The following PWWP2A variants were observed in gnomAD, a reference collection of about 807,000 sequenced individuals.
The protein encoded by PWWP2A is PWWP domain containing 2A, also known as PWWP domain-containing protein 2A.
A neutral mutation model predicts 48.5 loss-of-function variants in PWWP2A; 18 were observed. The ratio of observed to expected loss-of-function variants is 0.37; its 90% CI spans 0.26 to 0.55. PWWP2A has a LOEUF of 0.55. Among genes scored for constraint, PWWP2A ranks in the 20% least tolerant of loss-of-function variants. PWWP2A has a pLI of 0.81. For missense variants in PWWP2A, 867 were observed against 976.4 expected (o/e 0.89, Z 1.49); for synonymous variants, 396 against 387.7 (o/e 1.02, Z -0.25).
downstream of PWWP2A, chr5:160,090,923 A>T (rs1418833410): frequency 1.0e-6 from 1 of 984,774 alleles, no homozygotes; most frequent in Non-Finnish European, 1.2e-6. Context: ...TCTTAGGGAC[A>T]GATGGACCAT....
chr5:160,100,984 T>C (rs1422321976), intron 1 of PWWP2A, among the ~76,000 whole-genome samples: 1 of 152,124 alleles, frequency 6.6e-6, no homozygotes, highest in Admixed American at 6.5e-5. Context: ...AAGGACAAAG[T>C]ATGAGCTAGA....
chr5:160,094,133 A>G, intron 1 of PWWP2A, 68 bp from the exon 2 acceptor site: 7 of 1,435,418 alleles, frequency 4.9e-6, no homozygotes, highest in Non-Finnish European at 6.5e-6. Flanking sequence ...TCTTAAACGT[A>G]AACAACATCT....
chr5:160,115,737 G>A (rs989448824), intron 1 of PWWP2A, among the ~76,000 whole-genome samples: 8 of 151,632 alleles, frequency 5.3e-5, no homozygotes, highest in African/African-American at 9.7e-5. Context: ...GGTGGTATGC[G>A]CTTGTAGTCC....
chr5:160,069,862 C>T (rs927692811), intron 2 of PWWP2A, among the ~76,000 whole-genome samples: 2 of 152,182 alleles, frequency 1.3e-5, no homozygotes, highest in Non-Finnish European at 2.9e-5. Flanking sequence ...TTGGATATTT[C>T]CAAGAATTAA....
At chr5:160,096,274 G>A (rs938493262) in intron 1 of PWWP2A, among the ~76,000 whole-genome samples, 1 of 151,966 alleles carries the variant, frequency 6.6e-6, no homozygotes, top group African/African-American at 2.4e-5. Context: ...GTCCAAAAAG[G>A]AAAGGTACCT....
At chr5:160,095,029 C>A (rs1213041934) in intron 1 of PWWP2A, among the ~76,000 whole-genome samples, 1 of 92,298 alleles carries the variant, frequency 1.1e-5, no homozygotes, top group Non-Finnish European at 1.9e-5. Context: ...GCCTGGGCAA[C>A]AGAGCAAGAC....
intron 1 of PWWP2A, among the ~76,000 whole-genome samples, chr5:160,112,991 T>C (rs1026832315): frequency 4.6e-5 from 7 of 152,114 alleles, no homozygotes; most frequent in African/African-American, 1.4e-4. Context: ...ACACTGTCTC[T>C]ACTAAAAATA....
intron 4 of PWWP2A, among the ~76,000 whole-genome samples, chr5:160,063,952 G>T (rs1407212382): frequency 6.9e-6 from 1 of 145,852 alleles, no homozygotes; most frequent in African/African-American, 2.5e-5. Context: ...AGAACCGCTG[G>T]CTATAGACCA....
chr5:160,093,104 C>T lies in PWWP2A; in HGVS notation c.1546G>A (p.Ala516Thr). ...PQSRCTSTRS[A>T]GEAPSENQSP... Reference sequence around the variant, plus strand: ...TGATTTTCTGAAGGGGCCTCACCTGCTGAGCGGGTAGAGGTGCAGCGAGAC... The same window carrying T: ...TGATTTTCTGAAGGGGCCTCACCTGTTGAGCGGGTAGAGGTGCAGCGAGAC... The change falls in exon 2 of 2, where the codon GCA (alanine) becomes ACA (threonine). Residue 516 changes from alanine (A) to threonine (T), a missense_variant. This residue lies in a region of PWWP2A where 382 missense variants were observed against 407.2 expected (regional missense o/e 0.94). Coordinates refer to ENST00000307063, the MANE Select transcript of PWWP2A (RefSeq NM_001130864.2). The surrounding 1 kb of genome is among the most constrained non-coding windows in gnomAD (Gnocchi z 5.8). 6.2e-7 allele frequency: 1 copy of T among 1,613,952 alleles called. No individual in the cohort carries two copies. Among genetic ancestry groups the T allele is most frequent in the Non-Finnish European group, 8.5e-7 (1 of 1,179,888 alleles).
At chr5:160,089,201 G>GT (rs547655890), downstream of PWWP2A, among the ~76,000 whole-genome samples, 426 of 151,816 alleles carry the variant, frequency 2.8e-3, 4 homozygotes, top group African/African-American at 9.7e-3. Flanking sequence ...GATATATAGG[G>GT]TTTTTTTTCA....
Position 160,092,986 on chromosome 5 carries a change from A to G in PWWP2A, c.1664T>C (p.Leu555Ser). The stretch of plus-strand genomic sequence containing the variant: ...ATTGTTTTTGCTGCCCTTTTTGCCC[A>G]ATGTCTGTGGTTCATCCTGATCACC... ...VPGDQDEPQT[L>S]GKKGSKNNIS... The change falls in exon 2 of 2, where the codon TTG becomes TCG. Residue 555 changes from leucine to serine, a missense_variant. Leu to Ser is a moderately radical substitution (Grantham distance 145). Transcript: ENST00000307063. The G allele has an allele frequency of 6.4e-7, 1 of 1,566,650 alleles. No individual in the cohort carries two copies. Among genetic ancestry groups the G allele is most frequent in the Non-Finnish European group, 8.7e-7 (1 of 1,154,912 alleles).
exon 3 of PWWP2A, chr5:160,080,696 A>G: frequency 6.4e-7 from 1 of 1,572,510 alleles, no homozygotes; most frequent in Non-Finnish European, 8.6e-7. Context: ...CTGAATCCAC[A>G]GTGGTCTGTC....
chr5:160,092,482 T>C lies in PWWP2A; in HGVS notation c.2168A>G (p.Lys723Arg). The change falls in exon 2 of 2, where the codon AAG (lysine) becomes AGG (arginine). Residue 723 changes from lysine (K) to arginine (R), a missense_variant. By Grantham distance (26) the Lys-to-Arg change is conservative. Around this residue, in one of 4 missense-constraint regions of PWWP2A, gnomAD observed 97 missense variants for 151.7 expected, o/e 0.64. Transcript: ENST00000307063. ...AGCCTTGCGATACAGGCCCTTTCTC[T>C]TCTTATTAAAGCGTGACTGGAAGTT... ...LENFQSRFNK[K>R]RKGLYRKAIT... The C allele has an allele frequency of 6.4e-7, 1 of 1,551,688 alleles. No individual in the cohort carries two copies. Among genetic ancestry groups the C allele is most frequent in the South Asian group, 1.2e-5 (1 of 84,060 alleles).
In PWWP2A at chr5:160,092,094, C is replaced by T. The variant is rs201057443; in HGVS notation, c.*288G>A. 2.7e-6 allele frequency: 3 copies of T among 1,099,026 alleles called. No individual in the cohort carries two copies. Among genetic ancestry groups the T allele is most frequent in the South Asian group, 6.6e-5 (2 of 30,498 alleles). 68.1% of individuals were successfully genotyped at this position (1,099,026 alleles called of 1,614,324 possible). A position where few individuals can be genotyped will look rare whatever the true frequency, so the allele number is the denominator to read the frequency against. ...TACAAATGGCAATTAACAGTCCCTA[C>T]AAAAATTCAATTTCAGTTGAGGCTA... On this transcript the variant is annotated 3_prime_UTR_variant, in exon 2 of 2. Transcript: ENST00000307063.
the PWWP2A span, chr5:160,049,725 C>T: frequency 7.8e-7 from 1 of 1,278,990 alleles, no homozygotes; most frequent in Admixed American, 3.0e-5. Context: ...CCAGTGAGTC[C>T]TAAATAATCC....
the PWWP2A span, among the ~76,000 whole-genome samples, chr5:160,056,513 G>A: frequency 6.6e-6 from 1 of 152,102 alleles, no homozygotes; most frequent in South Asian, 2.1e-4. Flanking sequence ...GACTGCAGTT[G>A]AAGAGTTCAA....
chr5:160,065,559 G>A (rs886449665), intron 4 of PWWP2A: 1 of 347,860 alleles, frequency 2.9e-6, no homozygotes. Context: ...GGGTTAGGTT[G>A]TGAATTTTGT....
chr5:160,105,764 G>C, intron 1 of PWWP2A: 1 of 178,734 alleles, frequency 5.6e-6, no homozygotes. Flanking sequence ...GACAGAATGA[G>C]ACGCCATCTC....
chr5:160,058,428 T>G (rs1305366272), downstream of PWWP2A, among the ~76,000 whole-genome samples: 13 of 148,166 alleles, frequency 8.8e-5, no homozygotes, highest in Admixed American at 8.8e-4. Context: ...TTTTTTTTTT[T>G]GAGACGGAGT....
Sources: gnomAD v4.1 joint callset for allele counts (sites outside exome capture counted in the v4.1 genomes callset) on GRCh38, gnomAD v4.1.1 for gene constraint, gnomAD v4.1.1 regional missense constraint, Gnocchi (gnomAD v3.1) non-coding constraint, MANE v1.5 for transcripts, NCBI Gene and HGNC (gene_info 2026-07-23, HGNC 2026-07-21) for gene names.